FAT3: variants seen among roughly 807,000 people sequenced by gnomAD.
The protein encoded by FAT3 is protocadherin Fat 3.
Under a neutral mutation model 310.2 loss-of-function variants are expected in FAT3, and 95 were observed. The observed-to-expected ratio is 0.31, with a 90% CI of 0.26 to 0.36. FAT3 has a LOEUF of 0.36. Ranked by LOEUF, FAT3 falls within the 10% of genes least tolerant of loss-of-function variation. FAT3 has a pLI of 1.00. For synonymous variants in FAT3, 2,314 were observed against 2,192.9 expected (o/e 1.06, Z -1.54); for missense variants, 5,408 against 5,715.6 (o/e 0.95, Z 1.74).
chr11:92,552,050 T>C (rs1037515024), intron 3 of FAT3, among the ~76,000 whole-genome samples: 1 of 152,246 alleles, frequency 6.6e-6, no homozygotes, highest in African/African-American at 2.4e-5. Context: ...TCAGCAATTG[T>C]GCATGTAATT....
intron 2 of FAT3, among the ~76,000 whole-genome samples, chr11:92,483,167 G>C (rs978944030): frequency 6.6e-6 from 1 of 152,130 alleles, no homozygotes; most frequent in Non-Finnish European, 1.5e-5. Context: ...AAGTGAACTA[G>C]AGTGTACAGG....
At chr11:92,407,112 G>A (rs1197740587) in intron 2 of FAT3, among the ~76,000 whole-genome samples, 3 of 152,194 alleles carry the variant, frequency 2.0e-5, no homozygotes, top group Admixed American at 6.5e-5. Context: ...CTCTGCTTAG[G>A]CTTAAAGCCA....
At chr11:92,734,770 C>T (rs1945292851) in intron 4 of FAT3, among the ~76,000 whole-genome samples, 1 of 152,008 alleles carries the variant, frequency 6.6e-6, no homozygotes, top group African/African-American at 2.4e-5. Flanking sequence ...GAAGAGTAGG[C>T]ACAGCGTGTA....
At chr11:92,488,949 A>G (rs1004401647) in intron 2 of FAT3, among the ~76,000 whole-genome samples, 1 of 152,162 alleles carries the variant, frequency 6.6e-6, no homozygotes, top group African/African-American at 2.4e-5. Context: ...AAAACTAGGA[A>G]AGTTAATATC....
chr11:92,842,730 G>A (rs1948583428), intron 18 of FAT3, among the ~76,000 whole-genome samples: 1 of 152,002 alleles, frequency 6.6e-6, no homozygotes. Flanking sequence ...CAAAAAAAAA[G>A]TAGCCTGGTG....
At chr11:92,592,301 G>A (rs567358037) in intron 3 of FAT3, among the ~76,000 whole-genome samples, 1 of 148,486 alleles carries the variant, frequency 6.7e-6, no homozygotes, top group African/African-American at 2.5e-5. Flanking sequence ...ACAATGTATA[G>A]GAAATCTCCT....
chr11:92,304,070 G>A (rs530280158), intron 1 of FAT3, among the ~76,000 whole-genome samples: 46 of 152,224 alleles, frequency 3.0e-4, no homozygotes, highest in African/African-American at 1.1e-3. Flanking sequence ...TCAATCTACT[G>A]TGTAACCTTT....
At chr11:92,888,755 G>T (rs1949850520) in intron 25 of FAT3, among the ~76,000 whole-genome samples, 1 of 152,142 alleles carries the variant, frequency 6.6e-6, no homozygotes, top group Non-Finnish European at 1.5e-5. Flanking sequence ...TCTATCACTG[G>T]CATTTGGTTC....
chr11:92,774,936 T>C (rs1946560410), intron 7 of FAT3, among the ~76,000 whole-genome samples: 1 of 152,202 alleles, frequency 6.6e-6, no homozygotes, highest in African/African-American at 2.4e-5. Flanking sequence ...ACTAGCACAA[T>C]GTTAGATAAC....
At chr11:92,471,678 T>C (rs955567821) in intron 2 of FAT3, among the ~76,000 whole-genome samples, 3 of 151,982 alleles carry the variant, frequency 2.0e-5, no homozygotes, top group Non-Finnish European at 4.4e-5. Flanking sequence ...CTAATCAGTA[T>C]CCAAGAAAAC....
In FAT3 at chr11:92,279,001, G is replaced by A. The variant is rs141631381; in HGVS notation, c.-18+53827G>A. Among the ~76,000 whole-genome samples, 942 of 152,178 alleles carry A rather than the reference G, an allele frequency of 6.2e-3. 14 individuals carry two copies. Among genetic ancestry groups the A allele is most frequent in the African/African-American group, 0.021 (881 of 41,526 alleles). ...GGACAGGAATGCCAAGAGAAGATGAGGAAATGAAAACAGTAACTCTTAAAT... is the reference window on the plus strand; with the variant it reads ...GGACAGGAATGCCAAGAGAAGATGAAGAAATGAAAACAGTAACTCTTAAAT... On this transcript the variant is annotated intron_variant, in intron 1 of 27. Transcript: ENST00000525166.
intron 2 of FAT3, among the ~76,000 whole-genome samples, chr11:92,411,111 A>T (rs984775554): frequency 9.4e-4 from 33 of 35,032 alleles, no homozygotes; most frequent in East Asian, 3.8e-3. Flanking sequence ...TATATATAAA[A>T]ATATATATAT....
At chr11:92,292,863 C>A in intron 1 of FAT3, among the ~76,000 whole-genome samples, 1 of 151,972 alleles carries the variant, frequency 6.6e-6, no homozygotes, top group Non-Finnish European at 1.5e-5. Context: ...AAAATAAGCT[C>A]TCAGTTGGAT....
intron 3 of FAT3, among the ~76,000 whole-genome samples, chr11:92,635,588 C>T (rs1426613701): frequency 6.6e-6 from 1 of 152,176 alleles, no homozygotes; most frequent in Admixed American, 6.5e-5. Flanking sequence ...TTTAAATTGA[C>T]TTTGAAGCAC....
At chr11:92,362,169 G>T (rs1318861862) in intron 2 of FAT3, among the ~76,000 whole-genome samples, 1 of 152,204 alleles carries the variant, frequency 6.6e-6, no homozygotes, top group Non-Finnish European at 1.5e-5. Flanking sequence ...TCTGAGCACA[G>T]AATGCTCTTT....
In FAT3 at chr11:92,240,830, A is replaced by G. The variant is rs976814273; in HGVS notation, c.-18+15656A>G. On this transcript the variant is annotated intron_variant, in intron 1 of 27. Transcript: ENST00000525166. ...TTTGGAAATGTCCTGGGAAGTTATTATTTTATTGTTCTTTTCAGCTGGTTT... is the reference window on the plus strand; with the variant it reads ...TTTGGAAATGTCCTGGGAAGTTATTGTTTTATTGTTCTTTTCAGCTGGTTT... 3.8e-4 allele frequency among the ~76,000 whole-genome samples: 58 copies of G among 151,962 alleles called. 2 individuals carry two copies. The highest frequency in any genetic ancestry group is 1.3e-4 in the Non-Finnish European group (9 of 67,944).
chr11:92,582,785 G>C (rs1323235373), intron 3 of FAT3, among the ~76,000 whole-genome samples: 1 of 151,986 alleles, frequency 6.6e-6, no homozygotes, highest in Admixed American at 6.6e-5. Context: ...GTCATCTTCA[G>C]ATCTGCTGCT....
At chr11:92,454,791 G>A (rs1951454233) in intron 2 of FAT3, among the ~76,000 whole-genome samples, 1 of 152,138 alleles carries the variant, frequency 6.6e-6, no homozygotes, top group African/African-American at 2.4e-5. Flanking sequence ...AGACGTGTGT[G>A]CATGTGTTTA....
At position 92,547,863 on chromosome 11, in the gene FAT3, T is replaced by C. The variant is rs181078053; in HGVS notation, c.3607+22915T>C. On this transcript the variant is annotated intron_variant, in intron 3 of 27. Transcript: ENST00000525166. Reference sequence around the variant, plus strand: ...CAGAATTCCTGGAACTAGAGTTTGGTCTAGAATCTAGATTTAGCTGATGTG... The same window carrying C: ...CAGAATTCCTGGAACTAGAGTTTGGCCTAGAATCTAGATTTAGCTGATGTG... 1.7e-4 allele frequency among the ~76,000 whole-genome samples: 26 copies of C among 152,242 alleles called. No individual in the cohort carries two copies. The East Asian group carries it at 4.4e-3, about 26-fold the overall frequency.
Sources: allele counts gnomAD v4.1 joint callset (sites outside exome capture counted in the v4.1 genomes callset), GRCh38; gene constraint gnomAD v4.1.1; transcripts MANE v1.5; gene names NCBI Gene and HGNC (gene_info 2026-07-23, HGNC 2026-07-21).